The following VMA12 variants were observed in gnomAD, a reference collection of about 807,000 sequenced individuals.
VMA12 encodes vacuolar ATPase assembly protein VMA12.
chr17:28,357,747 T>C, the VMA12 span: 2 of 1,613,354 alleles, frequency 1.2e-6, no homozygotes, highest in Non-Finnish European at 1.7e-6. Context: ...CCAGAGCGGC[T>C]ACCCCGAAAG....
chr17:28,357,986 ACAAGT>A, the VMA12 span: 1 of 1,234,818 alleles, frequency 8.1e-7, no homozygotes, highest in African/African-American at 1.5e-5. Flanking sequence ...ACTCATCTAG[ACAAGT>A]CAAGAGTCAC....
the VMA12 span, chr17:28,359,629 G>A: frequency 3.8e-6 from 1 of 262,952 alleles, no homozygotes; most frequent in Admixed American, 8.2e-5. Flanking sequence ...GAGTTAGCCG[G>A]GCACGGCGCT....
At chr17:28,358,067 G>C in the VMA12 span, 2 of 657,968 alleles carry the variant, frequency 3.0e-6, no homozygotes, top group Non-Finnish European at 5.1e-6. Flanking sequence ...TGACAAATTT[G>C]CTTGTGCAGT....
the VMA12 span, chr17:28,360,124 C>T: frequency 1.1e-5 from 2 of 176,512 alleles, no homozygotes; most frequent in South Asian, 1.2e-4. Context: ...TGCACCACCA[C>T]GCCAGGCTAA....
At chr17:28,360,477 A>G in the VMA12 span, 1 of 1,556,276 alleles carries the variant, frequency 6.4e-7, no homozygotes, top group African/African-American at 1.4e-5. Context: ...CTGTCAATGG[A>G]TGCTCTCTGA....
the VMA12 span, chr17:28,361,180 C>T: frequency 6.8e-6 from 11 of 1,613,946 alleles, no homozygotes; most frequent in African/African-American, 2.7e-5. Flanking sequence ...CATTGATCGT[C>T]GCCTCTGTGG....
chr17:28,359,087 GTT>G, the VMA12 span: 1 of 1,256,254 alleles, frequency 8.0e-7, no homozygotes, highest in Non-Finnish European at 1.1e-6. Context: ...TTGAAAAATT[GTT>G]TTTGAAATCT....
the VMA12 span, chr17:28,358,287 TTTTG>T: frequency 2.2e-5 from 9 of 418,122 alleles, no homozygotes; most frequent in South Asian, 7.0e-5. Flanking sequence ...TGATACTTTG[TTTTG>T]TTTGTTTGTT....
chr17:28,361,406 A>G, the VMA12 span: 3 of 651,854 alleles, frequency 4.6e-6, 1 homozygote, highest in South Asian at 5.8e-5. Flanking sequence ...GGGGAGCCCT[A>G]ATCTTCTGTG....
chr17:28,359,791 G>C, the VMA12 span, among the ~76,000 whole-genome samples: 2 of 152,152 alleles, frequency 1.3e-5, no homozygotes, highest in African/African-American at 2.4e-5. Flanking sequence ...TGTAATCCCA[G>C]CTACTCGAGA....
chr17:28,357,717 G>A, the VMA12 span: 11 of 1,613,186 alleles, frequency 6.8e-6, no homozygotes, highest in Non-Finnish European at 9.3e-6. Flanking sequence ...CGTGCTTTGG[G>A]CCCCGGCGGG....
chr17:28,359,313 A>G, the VMA12 span: 2 of 1,613,962 alleles, frequency 1.2e-6, no homozygotes, highest in Non-Finnish European at 1.7e-6. Context: ...TTTCTGCTTC[A>G]GAACCCAGAA....
At chr17:28,360,992 G>A in the VMA12 span, 1 of 891,216 alleles carries the variant, frequency 1.1e-6, no homozygotes, top group Non-Finnish European at 1.8e-6. Flanking sequence ...CTTTCCAGCA[G>A]TCACGGGAGG....
chr17:28,360,946 C>G, the VMA12 span: 1 of 1,083,944 alleles, frequency 9.2e-7, no homozygotes, highest in Non-Finnish European at 1.4e-6. Flanking sequence ...AGGTATTGAA[C>G]AGATATTTAT....
the VMA12 span, chr17:28,361,026 C>A: frequency 1.0e-6 from 1 of 963,496 alleles, no homozygotes. Context: ...CCAGGAGAAG[C>A]CACATTCTCT....
At chr17:28,357,683 T>C in the VMA12 span, 60 of 1,612,482 alleles carry the variant, frequency 3.7e-5, no homozygotes, top group Non-Finnish European at 4.5e-5. Flanking sequence ...GGCGTCCTCT[T>C]TGCTTGCGGG....
the VMA12 span, chr17:28,361,078 TC>T: frequency 7.1e-7 from 1 of 1,410,364 alleles, no homozygotes; most frequent in Non-Finnish European, 1.0e-6. Context: ...TGGGGGGCTC[TC>T]CATCCTCATT....
At chr17:28,361,246 A>G in the VMA12 span, 7 of 1,613,976 alleles carry the variant, frequency 4.3e-6, no homozygotes, top group African/African-American at 5.3e-5. Flanking sequence ...AGCTGGGAGA[A>G]CTGTAACTGG....
chr17:28,357,671 A>G, the VMA12 span: 3 of 1,611,908 alleles, frequency 1.9e-6, no homozygotes, highest in African/African-American at 1.3e-5. Flanking sequence ...CCGGCTAGAT[A>G]TGGCGTCCTC....
Sources: gnomAD v4.1 joint callset for allele counts (sites outside exome capture counted in the v4.1 genomes callset) on GRCh38, gnomAD v4.1.1 for gene constraint, MANE v1.5 for transcripts, NCBI Gene and HGNC (gene_info 2026-07-23, HGNC 2026-07-21) for gene names.